The following KCNH8 variants were observed in gnomAD, a reference collection of about 807,000 sequenced individuals.
The protein encoded by KCNH8 is potassium voltage-gated channel subfamily H member 8, also known as voltage-gated delayed rectifier potassium channel KCNH8.
KCNH8 carries 70 observed loss-of-function variants against 103.6 expected under a neutral mutation model. The ratio of observed to expected loss-of-function variants is 0.68; its 90% CI spans 0.56 to 0.82. The LOEUF (loss-of-function observed/expected upper bound fraction) is 0.82, where lower values mean the gene tolerates loss of function less well. KCNH8 is among the 40% of genes least tolerant of loss of function. KCNH8 has a pLI of 0.00. For synonymous variants in KCNH8, 498 were observed against 489.4 expected, an observed-to-expected ratio of 1.02 and a Z score of -0.23; for missense variants, 1,217 against 1,329.9, an observed-to-expected ratio of 0.92 and a Z score of 1.32.
chr3:19,238,836 G>A (rs1436280917), intron 1 of KCNH8, among the ~76,000 whole-genome samples: 3 of 152,218 alleles, frequency 2.0e-5, no homozygotes, highest in Admixed American at 2.0e-4. Context: ...GGAACCAAGT[G>A]TCTAGCAGTG....
chr3:19,515,999 T>A (rs2068868213), intron 14 of KCNH8, among the ~76,000 whole-genome samples: 1 of 152,074 alleles, frequency 6.6e-6, no homozygotes, highest in Non-Finnish European at 1.5e-5. Flanking sequence ...CTTGAGTTTG[T>A]TGCTCGTAAG....
At position 19,451,352 on chromosome 3, in the gene KCNH8, A is replaced by C. The variant is rs147828008; in HGVS notation, c.1773A>C (p.Val591=). Reference sequence around the variant, plus strand: ...ATGCTTTGCAGGCCATCTACTTTGTATGCTCGGGCTCCATGGAAGTTCTTA... The same window carrying C: ...ATGCTTTGCAGGCCATCTACTTTGTCTGCTCGGGCTCCATGGAAGTTCTTA... ...QGDALQAIYF[V]CSGSMEVLKD... The change falls in exon 10 of 16, where the codon GTA becomes GTC. Residue 591 remains valine (V), a synonymous_variant. Transcript: ENST00000328405. 1 of 1,613,792 alleles carries C rather than the reference A, an allele frequency of 6.2e-7. No homozygotes were observed. Among genetic ancestry groups the C allele is most frequent in the Non-Finnish European group, 8.5e-7 (1 of 1,179,806 alleles).
At position 19,423,866 on chromosome 3, in the gene KCNH8, C is replaced by A. The variant is rs539228857; in HGVS notation, c.1178-14298C>A. Among the ~76,000 whole-genome samples, 7 of 152,150 alleles carry A rather than the reference C, an allele frequency of 4.6e-5. No homozygotes were observed. In the South Asian group the frequency reaches 1.2e-3, roughly 27 times the overall value. ...CTTTAAGGAATCTCCATACTGTTTTCCATAGTGGTTTTACTAGTTTACATT... is the reference window on the plus strand; with the variant it reads ...CTTTAAGGAATCTCCATACTGTTTTACATAGTGGTTTTACTAGTTTACATT... On this transcript the variant is annotated intron_variant, in intron 7 of 15. Transcript: ENST00000328405.
At chr3:19,269,211 T>C (rs187253652) in intron 2 of KCNH8, among the ~76,000 whole-genome samples, 3 of 152,192 alleles carry the variant, frequency 2.0e-5, no homozygotes, top group Admixed American at 2.0e-4. Flanking sequence ...TCTCAACCCA[T>C]TGGCAATATA....
At chr3:19,186,275 C>T in intron 1 of KCNH8, among the ~76,000 whole-genome samples, 1 of 144,712 alleles carries the variant, frequency 6.9e-6, no homozygotes, top group Non-Finnish European at 1.5e-5. Context: ...GAATGCTCCT[C>T]TTTAAAAAAT....
chr3:19,253,440 G>A (rs1437741222), intron 1 of KCNH8, among the ~76,000 whole-genome samples: 2 of 151,844 alleles, frequency 1.3e-5, no homozygotes, highest in Admixed American at 1.3e-4. Context: ...CTTCCACAGT[G>A]TGTTTCAAAA....
At chr3:19,347,643 C>G in intron 4 of KCNH8, 82 bp from the exon 5 acceptor site, 1 of 1,524,264 alleles carries the variant, frequency 6.6e-7, no homozygotes, top group South Asian at 1.2e-5. Flanking sequence ...ATCCTACTCA[C>G]AAAAGTGTGT....
At position 19,447,975 on chromosome 3, in the gene KCNH8, G is replaced by C. The variant is rs184857871; in HGVS notation, c.1376-2131G>C. Among the ~76,000 whole-genome samples the C allele has an allele frequency of 9.9e-5, 15 of 151,956 alleles. No individual in the cohort carries two copies. The East Asian group carries it at 2.3e-3, about 23-fold the overall frequency. Reference sequence around the variant, plus strand: ...TATTTTGAATTTATTTCATCAATAAGTTATGTCTACCAAGAGCCGCTCTTT... The same window carrying C: ...TATTTTGAATTTATTTCATCAATAACTTATGTCTACCAAGAGCCGCTCTTT... On this transcript the variant is annotated intron_variant, in intron 8 of 15. Coordinates refer to ENST00000328405, the MANE Select transcript of KCNH8 (RefSeq NM_144633.3).
At chr3:19,283,853 G>A (rs1278772022) in intron 3 of KCNH8, among the ~76,000 whole-genome samples, 1 of 150,930 alleles carries the variant, frequency 6.6e-6, no homozygotes. Context: ...TGAGGTGAGA[G>A]GATCACTTCA....
chr3:19,314,967 G>T (rs1379009099), intron 3 of KCNH8: 1 of 153,928 alleles, frequency 6.5e-6, no homozygotes, highest in Non-Finnish European at 1.5e-5. Flanking sequence ...GACTGTTGTT[G>T]TGGTATTGCT....
At chr3:19,493,508 G>T (rs898094226) in intron 11 of KCNH8, among the ~76,000 whole-genome samples, 1 of 152,090 alleles carries the variant, frequency 6.6e-6, no homozygotes, top group East Asian at 1.9e-4. Flanking sequence ...TGCAAGATGT[G>T]CCTGCTTCCC....
At chr3:19,294,014 T>C (rs1331928147) in intron 3 of KCNH8, among the ~76,000 whole-genome samples, 1 of 152,204 alleles carries the variant, frequency 6.6e-6, no homozygotes, top group African/African-American at 2.4e-5. Flanking sequence ...CTGTATTGTT[T>C]GGCTTTGTTC....
chr3:19,508,722 C>A (rs1478363485), intron 11 of KCNH8, among the ~76,000 whole-genome samples: 1 of 152,078 alleles, frequency 6.6e-6, no homozygotes, highest in East Asian at 1.9e-4. Flanking sequence ...AATTTCAGGC[C>A]CCACCTCAGA....
chr3:19,160,650 A>T (rs139541989), intron 1 of KCNH8, among the ~76,000 whole-genome samples: 3,594 of 152,290 alleles, frequency 0.024, 62 homozygotes, highest in Middle Eastern at 0.075. Flanking sequence ...GAATCCCAAA[A>T]ATATTAAATG....
At chr3:19,400,966 C>A (rs188958103) in intron 7 of KCNH8, among the ~76,000 whole-genome samples, 1 of 151,810 alleles carries the variant, frequency 6.6e-6, no homozygotes, top group Non-Finnish European at 1.5e-5. Context: ...CTTGTAGATT[C>A]GCATTCTTAA....
chr3:19,292,193 T>A (rs900145858), intron 3 of KCNH8, among the ~76,000 whole-genome samples: 2 of 152,232 alleles, frequency 1.3e-5, no homozygotes, highest in African/African-American at 4.8e-5. Flanking sequence ...CTTTGGAATG[T>A]TGGTTGATGC....
intron 1 of KCNH8, among the ~76,000 whole-genome samples, chr3:19,232,093 T>C (rs925541141): frequency 6.6e-6 from 1 of 152,200 alleles, no homozygotes; most frequent in Non-Finnish European, 1.5e-5. Flanking sequence ...TATTTTTTAG[T>C]GTGAAAATAA....
chr3:19,235,794 A>G (rs1041132788), intron 1 of KCNH8, among the ~76,000 whole-genome samples: 9 of 152,210 alleles, frequency 5.9e-5, no homozygotes, highest in African/African-American at 1.9e-4. Context: ...TCTGAGTGAA[A>G]GACATCCTAG....
intron 7 of KCNH8, among the ~76,000 whole-genome samples, chr3:19,400,449 A>C (rs1420411049): frequency 6.6e-6 from 1 of 151,762 alleles, no homozygotes; most frequent in East Asian, 1.9e-4. Context: ...ATGTTACCTT[A>C]TGTTCTTTTT....
Sources: allele counts gnomAD v4.1 joint callset (sites outside exome capture counted in the v4.1 genomes callset), GRCh38; gene constraint gnomAD v4.1.1; transcripts MANE v1.5; gene names NCBI Gene and HGNC (gene_info 2026-07-23, HGNC 2026-07-21).